The following FHL5 variants were observed in gnomAD, a reference collection of about 807,000 sequenced individuals.
The protein encoded by FHL5 is four and a half LIM domains protein 5.
A neutral mutation model predicts 32.0 loss-of-function variants in FHL5; 33 were observed. That is an observed-to-expected ratio of 1.03 (90% confidence interval 0.78 to 1.38). The LOEUF is 1.38. Among genes scored for constraint, FHL5 ranks in the 40% most tolerant of loss-of-function variants. FHL5 has a pLI of 0.00. For missense variants in FHL5, 336 were observed against 343.9 expected (o/e 0.98, Z 0.18); for synonymous variants, 114 against 113.6 (o/e 1.00, Z -0.02).
intron 1 of FHL5, among the ~76,000 whole-genome samples, chr6:96,566,557 A>C (rs1411744204): frequency 6.6e-6 from 1 of 151,970 alleles, no homozygotes; most frequent in African/African-American, 2.4e-5. Flanking sequence ...TTCTATTTTT[A>C]ATTTTTTGAG....
chr6:96,597,045 C>T (rs1014158780), intron 1 of FHL5, among the ~76,000 whole-genome samples: 3 of 152,006 alleles, frequency 2.0e-5, no homozygotes, highest in Non-Finnish European at 4.4e-5. Flanking sequence ...CATGAATACC[C>T]CAAATGCTTC....
intron 1 of FHL5, among the ~76,000 whole-genome samples, chr6:96,577,578 G>A (rs1194784991): frequency 2.6e-5 from 4 of 152,210 alleles, no homozygotes; most frequent in African/African-American, 9.6e-5. Flanking sequence ...TAATCCAATA[G>A]TAACTTGAGT....
chr6:96,589,870 C>G (rs970806094), intron 1 of FHL5, among the ~76,000 whole-genome samples: 2 of 151,960 alleles, frequency 1.3e-5, no homozygotes. Context: ...AATCTAGTTT[C>G]ATTCTTTTTC....
chr6:96,572,228 G>A (rs1007550739), intron 1 of FHL5, among the ~76,000 whole-genome samples: 1 of 152,148 alleles, frequency 6.6e-6, no homozygotes, highest in Non-Finnish European at 1.5e-5. Flanking sequence ...CATCAGTTCA[G>A]CTTAAGTAAT....
At position 96,616,113 on chromosome 6, in the gene FHL5, A is replaced by G. The variant is rs532831970; in HGVS notation, c.*341A>G. Reference sequence around the variant, plus strand: ...AGAATGAGGTTTTTCATACCTGAAGAGTAAAAGAAAAACTAAGAGATCAAA... The same window carrying G: ...AGAATGAGGTTTTTCATACCTGAAGGGTAAAAGAAAAACTAAGAGATCAAA... On this transcript the variant is annotated 3_prime_UTR_variant, in exon 6 of 6. Transcript: ENST00000450218. 1 of 160,664 alleles carries G rather than the reference A, an allele frequency of 6.2e-6. No individual in the cohort carries two copies. Among genetic ancestry groups the G allele is most frequent in the East Asian group, 1.8e-4 (1 of 5,608 alleles). The allele number at this position is 160,664 out of a possible 1,614,324, so 10.0% of individuals were successfully genotyped here.
At chr6:96,608,210 G>A (rs749829626) in intron 4 of FHL5, among the ~76,000 whole-genome samples, 6 of 152,090 alleles carry the variant, frequency 3.9e-5, no homozygotes, top group Non-Finnish European at 8.8e-5. Flanking sequence ...CAATTCAAGA[G>A]TGAAACTTCT....
At chr6:96,600,403 A>G (rs1771123950) in intron 1 of FHL5, among the ~76,000 whole-genome samples, 1 of 152,092 alleles carries the variant, frequency 6.6e-6, no homozygotes, top group Non-Finnish European at 1.5e-5. Context: ...CTCCTATGCC[A>G]TTCTCTCACT....
intron 1 of FHL5, among the ~76,000 whole-genome samples, chr6:96,586,380 T>C (rs1287475105): frequency 6.6e-6 from 1 of 152,190 alleles, no homozygotes; most frequent in Admixed American, 6.5e-5. Context: ...AATAAACTCA[T>C]ACTAATTTGT....
At chr6:96,602,445 T>A in intron 1 of FHL5, among the ~76,000 whole-genome samples, 1 of 113,214 alleles carries the variant, frequency 8.8e-6, no homozygotes, top group African/African-American at 3.9e-5. Context: ...TTTTTTTTTT[T>A]TTTTTTTTTT....
chr6:96,602,422 G>GTTCCTTTTTTTTTTT (rs1562062425), intron 1 of FHL5, among the ~76,000 whole-genome samples: 9 of 26,606 alleles, frequency 3.4e-4, no homozygotes, highest in African/African-American at 6.8e-4. Context: ...TATATGCGTT[G>GTTCCTTTTTTTTTTT]TTTCTTTTTT....
At position 96,616,149 on chromosome 6, in the gene FHL5, T is replaced by G. The variant is rs1771517353; in HGVS notation, c.*377T>G. On this transcript the variant is annotated 3_prime_UTR_variant, in exon 6 of 6. Coordinates refer to ENST00000450218, the MANE Select transcript of FHL5 (RefSeq NM_001322466.2). ...AACTAAGAGATCAAACTGAGAGGTATACATGAGGCTAGTGTTTGCATTCCT... is the reference window on the plus strand; with the variant it reads ...AACTAAGAGATCAAACTGAGAGGTAGACATGAGGCTAGTGTTTGCATTCCT... 1 of 155,322 alleles carries G rather than the reference T, an allele frequency of 6.4e-6. No individual in the cohort carries two copies. The highest frequency in any genetic ancestry group is 2.4e-5 in the African/African-American group (1 of 41,566). The allele number at this position is 155,322 out of a possible 1,614,324, so 9.6% of individuals were successfully genotyped here.
At chr6:96,613,737 G>A (rs1771460520) in intron 5 of FHL5, among the ~76,000 whole-genome samples, 1 of 152,208 alleles carries the variant, frequency 6.6e-6, no homozygotes, top group African/African-American at 2.4e-5. Flanking sequence ...CCTGGCCTGT[G>A]CTTAAATCTT....
At chr6:96,598,865 A>T (rs1771090603) in intron 1 of FHL5, among the ~76,000 whole-genome samples, 2 of 152,292 alleles carry the variant, frequency 1.3e-5, no homozygotes, top group South Asian at 4.1e-4. Flanking sequence ...TTACTTTGCA[A>T]ATGACATGTA....
upstream of FHL5, chr6:96,563,002 C>A (rs1185318773): frequency 6.6e-6 from 1 of 152,136 alleles, no homozygotes; most frequent in African/African-American, 2.4e-5. Context: ...GTATTTTAAA[C>A]TTTTTGGAGC....
intron 1 of FHL5, among the ~76,000 whole-genome samples, chr6:96,577,475 C>T (rs1000038772): frequency 6.6e-6 from 1 of 152,086 alleles, no homozygotes; most frequent in Non-Finnish European, 1.5e-5. Context: ...ATACACCACA[C>T]ATGTACACAC....
At chr6:96,577,633 C>T (rs1398583722) in intron 1 of FHL5, among the ~76,000 whole-genome samples, 1 of 152,154 alleles carries the variant, frequency 6.6e-6, no homozygotes, top group Non-Finnish European at 1.5e-5. Context: ...TTGAAGATAG[C>T]TATTTCATTT....
chr6:96,570,920 G>T (rs1770462986), intron 1 of FHL5, among the ~76,000 whole-genome samples: 1 of 151,622 alleles, frequency 6.6e-6, no homozygotes, highest in Non-Finnish European at 1.5e-5. Flanking sequence ...ATTTAATTGT[G>T]TATCTGTGTT....
In FHL5 at chr6:96,604,906, A is replaced by T; in HGVS notation, c.316A>T (p.Lys106Ter). The change falls in exon 3 of 6, where the codon AAG (lysine) becomes TAG (stop). Residue 106 changes from lysine (K) to a stop codon, truncating the protein, a stop_gained. Transcript: ENST00000450218. LOFTEE classifies it high-confidence loss of function. ...NECSSKCFHC[K>*]RTIMPGSRKM... ...GTGCTCCTCCAAGTGCTTCCACTGCAAGAGGACCATCATGCCTGGTAGGGT... is the reference window on the plus strand; with the variant it reads ...GTGCTCCTCCAAGTGCTTCCACTGCTAGAGGACCATCATGCCTGGTAGGGT... 1 of 1,609,216 alleles carries T rather than the reference A, an allele frequency of 6.2e-7. No homozygotes were observed. Among genetic ancestry groups the T allele is most frequent in the Non-Finnish European group, 8.5e-7 (1 of 1,177,428 alleles).
At chr6:96,604,522 G>GT (rs1224673534) in intron 2 of FHL5, among the ~76,000 whole-genome samples, 1 of 152,022 alleles carries the variant, frequency 6.6e-6, no homozygotes, top group African/African-American at 2.4e-5. Context: ...GAATGTATTT[G>GT]TTTTTTCCCA....
Sources: allele counts gnomAD v4.1 joint callset (sites outside exome capture counted in the v4.1 genomes callset), GRCh38; gene constraint gnomAD v4.1.1; transcripts MANE v1.5; gene names NCBI Gene and HGNC (gene_info 2026-07-23, HGNC 2026-07-21).